Variants in CADM2 observed in about 807,000 individuals in gnomAD.
CADM2 encodes the protein cell adhesion molecule 2.
Under a neutral mutation model 49.8 loss-of-function variants are expected in CADM2, and 12 were observed. The ratio of observed to expected loss-of-function variants is 0.24; its 90% CI spans 0.15 to 0.39. The LOEUF (loss-of-function observed/expected upper bound fraction) is 0.39. CADM2 is among the 10% of genes least tolerant of loss of function. CADM2 has a pLI of 1.00. For synonymous variants in CADM2, 214 were observed against 175.4 expected (o/e 1.22, Z -1.74); for missense variants, 378 against 492.3 (o/e 0.77, Z 2.20).
rs374742919 is a variant in CADM2 at position 85,116,044 on chromosome 3, G to A, written c.61+156376G>A. Among the ~76,000 whole-genome samples, 15 of 152,270 alleles carry A rather than the reference G, an allele frequency of 9.9e-5. No homozygotes were observed. In the South Asian group the frequency reaches 2.7e-3, roughly 27 times the overall value. On this transcript the variant is annotated intron_variant, in intron 1 of 9. Coordinates refer to ENST00000383699, the MANE Select transcript of CADM2 (RefSeq NM_001167675.2). ...TGACTTTGTAAAAACACATGTGCGT[G>A]GGCCAGGCACAGTGGCTCACGCCTG...
chr3:85,535,730 T>G (rs1559893627), intron 1 of CADM2, among the ~76,000 whole-genome samples: 1 of 152,088 alleles, frequency 6.6e-6, no homozygotes, highest in Admixed American at 6.6e-5. Context: ...GTTCCTTCTG[T>G]CCACTGACTC....
At chr3:84,970,298 A>G (rs2031332455) in intron 1 of CADM2, among the ~76,000 whole-genome samples, 1 of 149,966 alleles carries the variant, frequency 6.7e-6, no homozygotes. Flanking sequence ...CATTTGAAAG[A>G]TAGAGGTAGG....
chr3:85,285,366 C>CCAAT (rs1380817897), intron 1 of CADM2, among the ~76,000 whole-genome samples: 1 of 151,984 alleles, frequency 6.6e-6, no homozygotes, highest in Non-Finnish European at 1.5e-5. Flanking sequence ...AGTTCAAAAA[C>CCAAT]CAATACCTAG....
chr3:85,376,982 T>C (rs1159588827), intron 1 of CADM2, among the ~76,000 whole-genome samples: 1 of 152,088 alleles, frequency 6.6e-6, no homozygotes, highest in Non-Finnish European at 1.5e-5. Context: ...TTAAAACATT[T>C]ATTAAATTCA....
intron 8 of CADM2, among the ~76,000 whole-genome samples, chr3:86,034,725 A>G (rs192226318): frequency 6.6e-6 from 1 of 152,122 alleles, no homozygotes; most frequent in East Asian, 1.9e-4. Context: ...ATGCTATTCT[A>G]TATAAAGAAA....
chr3:85,690,497 G>T (rs1041998586), intron 1 of CADM2, among the ~76,000 whole-genome samples: 5 of 152,072 alleles, frequency 3.3e-5, no homozygotes, highest in Middle Eastern at 6.8e-3. Context: ...AAATGGGGGT[G>T]GGGGGAGTCA....
At chr3:85,632,132 C>A (rs1337788198) in intron 1 of CADM2, among the ~76,000 whole-genome samples, 1 of 152,014 alleles carries the variant, frequency 6.6e-6, no homozygotes, top group African/African-American at 2.4e-5. Context: ...GATTGAATCA[C>A]AGGGGCGGGT....
intron 1 of CADM2, among the ~76,000 whole-genome samples, chr3:85,362,384 TA>T (rs2032421921): frequency 6.6e-6 from 1 of 152,196 alleles, no homozygotes; most frequent in Non-Finnish European, 1.5e-5. Context: ...TTCACATGAA[TA>T]ATCAAATAAC....
At chr3:85,946,833 C>T (rs1178102713) in intron 7 of CADM2, among the ~76,000 whole-genome samples, 1 of 152,072 alleles carries the variant, frequency 6.6e-6, no homozygotes, top group Non-Finnish European at 1.5e-5. Flanking sequence ...GACCTAAAAC[C>T]ATAAAAACCC....
At chr3:85,534,517 A>T (rs891898719) in intron 1 of CADM2, among the ~76,000 whole-genome samples, 2 of 152,200 alleles carry the variant, frequency 1.3e-5, no homozygotes, top group African/African-American at 4.8e-5. Flanking sequence ...TATTGTGAAT[A>T]AAGAATTATT....
chr3:85,598,289 C>T (rs540713109), intron 1 of CADM2, among the ~76,000 whole-genome samples: 1 of 152,062 alleles, frequency 6.6e-6, no homozygotes, highest in East Asian at 1.9e-4. Flanking sequence ...TACACCTTCC[C>T]ATCAAGCCAA....
intron 8 of CADM2, among the ~76,000 whole-genome samples, chr3:86,056,808 A>C (rs1158434489): frequency 4.6e-5 from 7 of 152,234 alleles, no homozygotes; most frequent in Admixed American, 4.6e-4. Context: ...CGTTGTGAAT[A>C]GGAAACTTAT....
At chr3:85,025,025 T>C (rs187583679) in intron 1 of CADM2, among the ~76,000 whole-genome samples, 1 of 152,194 alleles carries the variant, frequency 6.6e-6, no homozygotes, top group East Asian at 1.9e-4. Flanking sequence ...AAAAACAGTA[T>C]TTAAGCCAGG....
At chr3:85,364,037 T>C (rs1029623168) in intron 1 of CADM2, among the ~76,000 whole-genome samples, 3 of 152,172 alleles carry the variant, frequency 2.0e-5, no homozygotes, top group African/African-American at 7.2e-5. Context: ...TGCTAGAAAA[T>C]GTTAAAACTG....
At chr3:85,809,717 T>C (rs1275030199) in intron 3 of CADM2, among the ~76,000 whole-genome samples, 9 of 71,754 alleles carry the variant, frequency 1.3e-4, no homozygotes, top group African/African-American at 4.3e-4. Context: ...CCTTCCTTCC[T>C]TCGTTCCTTC....
intron 1 of CADM2, among the ~76,000 whole-genome samples, chr3:85,227,931 A>G (rs1453850410): frequency 1.3e-5 from 2 of 152,138 alleles, no homozygotes; most frequent in Non-Finnish European, 2.9e-5. Flanking sequence ...CTGGGTTGAA[A>G]ATTATTTTCT....
chr3:85,791,389 T>C (rs1041513251), intron 2 of CADM2, among the ~76,000 whole-genome samples: 2 of 152,122 alleles, frequency 1.3e-5, no homozygotes, highest in African/African-American at 4.8e-5. Flanking sequence ...GCATGCTATG[T>C]GTGCATTTAG....
intron 1 of CADM2, among the ~76,000 whole-genome samples, chr3:85,541,710 A>ATATAT (rs372505099): frequency 7.2e-6 from 1 of 138,192 alleles, no homozygotes; most frequent in East Asian, 2.1e-4. Flanking sequence ...TTATATATAT[A>ATATAT]TTTTATATTA....
intron 1 of CADM2, among the ~76,000 whole-genome samples, chr3:85,444,150 G>A (rs933714342): frequency 6.6e-6 from 1 of 151,996 alleles, no homozygotes; most frequent in Admixed American, 6.6e-5. Flanking sequence ...AGCACCTATA[G>A]AACTTGTACT....
Sources: gnomAD v4.1 joint callset for allele counts (sites outside exome capture counted in the v4.1 genomes callset) on GRCh38, gnomAD v4.1.1 for gene constraint, MANE v1.5 for transcripts, NCBI Gene and HGNC (gene_info 2026-07-23, HGNC 2026-07-21) for gene names.